Variants in PAFAH1B1 observed in about 807,000 individuals in gnomAD.
The protein encoded by PAFAH1B1 is platelet activating factor acetylhydrolase 1b regulatory subunit 1.
In PAFAH1B1, 2 loss-of-function variants were observed where a neutral mutation model predicts 57.5. That is an observed-to-expected ratio of 0.03 (90% CI 0.01 to 0.11). The LOEUF is 0.11. PAFAH1B1 is among the 10% of genes least tolerant of loss of function. The pLI is 1.00. For synonymous variants in PAFAH1B1, 152 were observed against 169.6 expected, an observed-to-expected ratio of 0.90 and a Z score of 0.81; for missense variants, 257 against 512.0, an observed-to-expected ratio of 0.50 and a Z score of 4.81.
At chr17:2,595,875 A>T (rs982143847) in intron 1 of PAFAH1B1, among the ~76,000 whole-genome samples, 3 of 152,124 alleles carry the variant, frequency 2.0e-5, no homozygotes, top group East Asian at 1.9e-4. Flanking sequence ...ATCCTTTTTT[A>T]AAAAAATGGG....
intron 2 of PAFAH1B1, among the ~76,000 whole-genome samples, chr17:2,652,812 T>C (rs1041090793): frequency 2.0e-5 from 3 of 152,208 alleles, no homozygotes; most frequent in Non-Finnish European, 4.4e-5. Context: ...ACTTTTGCAC[T>C]GTTGGTGGGA....
intron 2 of PAFAH1B1, among the ~76,000 whole-genome samples, chr17:2,655,300 C>T (rs1388999519): frequency 6.6e-6 from 1 of 151,592 alleles, no homozygotes; most frequent in Non-Finnish European, 1.5e-5. Context: ...AGAATTCATA[C>T]AAAGCCCTTT....
intron 2 of PAFAH1B1, among the ~76,000 whole-genome samples, chr17:2,650,641 A>C (rs1461905686): frequency 2.5e-4 from 2 of 7,940 alleles, no homozygotes; most frequent in African/African-American, 4.9e-4. Flanking sequence ...CTCTGTCTCA[A>C]AAAAAAAAAA....
chr17:2,668,520 C>T (rs570207292), intron 5 of PAFAH1B1, among the ~76,000 whole-genome samples: 1 of 151,618 alleles, frequency 6.6e-6, no homozygotes, highest in Non-Finnish European at 1.5e-5. Flanking sequence ...GACCTCGTCT[C>T]TACTTAAAAT....
In PAFAH1B1 at chr17:2,658,642, G is replaced by T. The variant is rs190421195; in HGVS notation, c.33-6730G>T. ...GTACAGGGTTCTTTTTGCTTGATGGGGAAGATAAAGGTCCACTCACCCTGC... is the reference window on the plus strand; with the variant it reads ...GTACAGGGTTCTTTTTGCTTGATGGTGAAGATAAAGGTCCACTCACCCTGC... On this transcript the variant is annotated intron_variant, in intron 2 of 10. Transcript: ENST00000397195. 5.3e-5 allele frequency among the ~76,000 whole-genome samples: 8 copies of T among 152,162 alleles called. No homozygotes were observed. The East Asian group carries it at 1.5e-3, about 29-fold the overall frequency.
chr17:2,659,829 C>T (rs1217852421), intron 2 of PAFAH1B1, among the ~76,000 whole-genome samples: 1 of 151,924 alleles, frequency 6.6e-6, no homozygotes, highest in East Asian at 1.9e-4. Flanking sequence ...AGTGAGACTC[C>T]GTTTCAAAAA....
intron 1 of PAFAH1B1, among the ~76,000 whole-genome samples, chr17:2,594,740 T>C (rs1445875558): frequency 6.6e-6 from 1 of 152,246 alleles, no homozygotes; most frequent in African/African-American, 2.4e-5. Context: ...GGAGTTGCCT[T>C]TTGATGCTGT....
intron 2 of PAFAH1B1, among the ~76,000 whole-genome samples, chr17:2,650,372 C>G (rs867207476): frequency 6.6e-6 from 1 of 152,080 alleles, no homozygotes; most frequent in East Asian, 1.9e-4. Context: ...ATTAGCCAGA[C>G]GTGGCGGTGT....
chr17:2,664,694 T>TCTCTCTCCC lies in PAFAH1B1; in HGVS notation c.33-678_33-677insCTCTCTCCC, dbSNP rs1567554200. 6.1e-5 allele frequency among the ~76,000 whole-genome samples: 7 copies of TCTCTCTCCC among 114,538 alleles called. No individual in the cohort carries two copies. The South Asian group carries it at 8.5e-4, about 14-fold the overall frequency. 75.1% of individuals were successfully genotyped at this position (114,538 alleles called of 152,430 possible). ...TCTCTCTCTCTCTCTCTCTCTCTCT[T>TCTCTCTCCC]TCTCTCTCCATCTATAAAGCCCAAA... On this transcript the variant is annotated intron_variant, in intron 2 of 10. Transcript: ENST00000397195.
At chr17:2,647,833 T>G (rs1361485444) in intron 2 of PAFAH1B1, among the ~76,000 whole-genome samples, 1 of 151,082 alleles carries the variant, frequency 6.6e-6, no homozygotes, top group African/African-American at 2.4e-5. Context: ...TGAAACTCCG[T>G]CTCTACTAAA....
At chr17:2,656,687 A>G (rs1232913653) in intron 2 of PAFAH1B1, among the ~76,000 whole-genome samples, 1 of 152,226 alleles carries the variant, frequency 6.6e-6, no homozygotes, top group Non-Finnish European at 1.5e-5. Context: ...TATTATGAAT[A>G]TGACCTGATT....
chr17:2,676,628 A>G (rs370198409), intron 9 of PAFAH1B1, 22 bp downstream of exon 9: 33 of 1,381,308 alleles, frequency 2.4e-5, no homozygotes, highest in Non-Finnish European at 3.3e-5. Context: ...TAATCTTACC[A>G]TTTCTTTTGC....
chr17:2,622,612 G>C (rs1339419954), intron 1 of PAFAH1B1, among the ~76,000 whole-genome samples: 1 of 152,198 alleles, frequency 6.6e-6, no homozygotes, highest in African/African-American at 2.4e-5. Context: ...CCTCCTGTCT[G>C]CTTTCACCGG....
chr17:2,667,247 T>C (rs1469104924), intron 5 of PAFAH1B1, 49 bp downstream of exon 5: 2 of 1,430,968 alleles, frequency 1.4e-6, no homozygotes, highest in African/African-American at 2.8e-5. Flanking sequence ...AGCAGGAGAA[T>C]GGCATGAACC....
intron 1 of PAFAH1B1, among the ~76,000 whole-genome samples, chr17:2,618,566 T>C (rs2068377214): frequency 6.6e-6 from 1 of 152,126 alleles, no homozygotes; most frequent in Admixed American, 6.5e-5. Flanking sequence ...AATGATTTTA[T>C]AGGAAAATTT....
chr17:2,597,036 G>C (rs2068090472), intron 1 of PAFAH1B1, among the ~76,000 whole-genome samples: 1 of 152,122 alleles, frequency 6.6e-6, no homozygotes, highest in Admixed American at 6.6e-5. Flanking sequence ...ACTCCAGCCT[G>C]GGCGACAGAG....
At chr17:2,616,834 C>T (rs140416386) in intron 1 of PAFAH1B1, among the ~76,000 whole-genome samples, 3,075 of 151,564 alleles carry the variant, frequency 0.02, 108 homozygotes, top group African/African-American at 0.071. Flanking sequence ...GAGGCCGAGG[C>T]GAACAGATCA....
intron 1 of PAFAH1B1, among the ~76,000 whole-genome samples, chr17:2,605,113 T>A (rs1017105709): frequency 1.3e-5 from 2 of 152,190 alleles, no homozygotes; most frequent in African/African-American, 4.8e-5. Flanking sequence ...TTGGAGGTCA[T>A]GTAGACTTCT....
intron 10 of PAFAH1B1, chr17:2,681,261 GC>G: frequency 6.5e-6 from 1 of 153,196 alleles, no homozygotes; most frequent in East Asian, 1.9e-4. Flanking sequence ...AAGGATTTGA[GC>G]CCCATTTGGG....
Sources: gnomAD v4.1 joint callset for allele counts (sites outside exome capture counted in the v4.1 genomes callset) on GRCh38, gnomAD v4.1.1 for gene constraint, MANE v1.5 for transcripts, NCBI Gene and HGNC (gene_info 2026-07-23, HGNC 2026-07-21) for gene names.